SERINC1: variants seen among roughly 807,000 people sequenced by gnomAD.
SERINC1 encodes the protein tumor differentially expressed protein 2.
A neutral mutation model predicts 52.9 loss-of-function variants in SERINC1; 38 were observed. The ratio of observed to expected loss-of-function variants is 0.72; its 90% CI spans 0.55 to 0.94. The LOEUF (loss-of-function observed/expected upper bound fraction) is 0.94, where lower values mean the gene tolerates loss of function less well. Among genes scored for constraint, SERINC1 ranks in the 40% least tolerant of loss-of-function variants. The pLI is 0.00. For missense variants in SERINC1, 471 were observed against 533.9 expected (o/e 0.88, Z 1.16); for synonymous variants, 198 against 183.1 (o/e 1.08, Z -0.66).
intron 1 of SERINC1, among the ~76,000 whole-genome samples, chr6:122,468,002 A>G (rs1365281237): frequency 6.6e-6 from 1 of 152,168 alleles, no homozygotes. Context: ...CAAAAGAAAT[A>G]CTGTCTCCAA....
chr6:122,451,005 G>A (rs1774893245), intron 7 of SERINC1, among the ~76,000 whole-genome samples: 1 of 152,182 alleles, frequency 6.6e-6, no homozygotes, highest in Non-Finnish European at 1.5e-5. Flanking sequence ...ACCAGGAGCA[G>A]GTTTAAGAGG....
intron 9 of SERINC1, among the ~76,000 whole-genome samples, chr6:122,445,589 T>G (rs1056681992): frequency 1.8e-5 from 2 of 109,316 alleles, no homozygotes; most frequent in Non-Finnish European, 3.4e-5. Context: ...CTTCTCAGAA[T>G]TAAGAGACTG....
At chr6:122,445,322 CCTTT>C (rs1289418847) in intron 9 of SERINC1, 143 bp from the exon 10 acceptor site, 9 of 769,016 alleles carry the variant, frequency 1.2e-5, no homozygotes, top group East Asian at 2.7e-5. Flanking sequence ...TAATCTGCTC[CCTTT>C]CTTTCCACAC....
At chr6:122,456,420 C>A in intron 3 of SERINC1, 61 bp downstream of exon 3, 1 of 1,036,586 alleles carries the variant, frequency 9.6e-7, no homozygotes, top group African/African-American at 1.6e-5. Context: ...CTTGGATAAA[C>A]TGGCAATTAT....
chr6:122,457,746 C>T (rs1331421124), intron 2 of SERINC1, among the ~76,000 whole-genome samples: 1 of 151,920 alleles, frequency 6.6e-6, no homozygotes, highest in East Asian at 1.9e-4. Flanking sequence ...TTTTTGTTGT[C>T]TTAAGCCACC....
chr6:122,462,714 T>C (rs777972241), intron 1 of SERINC1, among the ~76,000 whole-genome samples: 103 of 152,254 alleles, frequency 6.8e-4, no homozygotes, highest in Non-Finnish European at 8.5e-4. Context: ...ATATACACAA[T>C]CATGTTTCTA....
Position 122,458,593 on chromosome 6 carries a change from G to T in SERINC1, c.128C>A (p.Ala43Glu). 2 of 1,612,902 alleles carry T rather than the reference G, an allele frequency of 1.2e-6. No individual in the cohort carries two copies. Among genetic ancestry groups the T allele is most frequent in the Non-Finnish European group, 1.7e-6 (2 of 1,178,990 alleles). The change falls in exon 2 of 10, where the codon GCA becomes GAA. Residue 43 changes from alanine (A) to glutamate (E), a missense_variant. Coordinates refer to ENST00000339697, the MANE Select transcript of SERINC1 (RefSeq NM_020755.4). Reference protein sequence around the residue: ...NNSTVTRLIYALFLLVGVCVA... With the variant: ...NNSTVTRLIYELFLLVGVCVA... ...ACATACTCCAACAAGCAAGAAAAGTGCATAGATCAATCTAGTTACAGTGGA... is the reference window on the plus strand; with the variant it reads ...ACATACTCCAACAAGCAAGAAAAGTTCATAGATCAATCTAGTTACAGTGGA...
At chr6:122,465,839 T>G (rs1775180802) in intron 1 of SERINC1, among the ~76,000 whole-genome samples, 1 of 152,120 alleles carries the variant, frequency 6.6e-6, no homozygotes, top group African/African-American at 2.4e-5. Context: ...ACAGAGTATA[T>G]TAATAAACTA....
chr6:122,451,211 T>C lies in SERINC1; in HGVS notation c.850+453A>G, dbSNP rs142425533. ...CCTGTTCGGTCAGCAGCCGTCAACATTGAGGCAAGACCTCCTACCAGCAAA... is the reference window on the plus strand; with the variant it reads ...CCTGTTCGGTCAGCAGCCGTCAACACTGAGGCAAGACCTCCTACCAGCAAA... On this transcript the variant is annotated intron_variant, in intron 7 of 9. Transcript: ENST00000339697. 5.1e-3 allele frequency among the ~76,000 whole-genome samples: 772 copies of C among 152,312 alleles called. 5 individuals carry two copies. The highest frequency in any genetic ancestry group is 0.01 in the Middle Eastern group (3 of 294).
intron 7 of SERINC1, among the ~76,000 whole-genome samples, chr6:122,449,492 C>G (rs1449911961): frequency 6.6e-6 from 1 of 152,216 alleles, no homozygotes; most frequent in Non-Finnish European, 1.5e-5. Context: ...AGAGCATTCC[C>G]TTAAGCCAAA....
intron 2 of SERINC1, among the ~76,000 whole-genome samples, chr6:122,457,051 C>T (rs192973326): frequency 6.6e-6 from 1 of 152,256 alleles, no homozygotes; most frequent in African/African-American, 2.4e-5. Context: ...TTTCCTCCCA[C>T]TCTTTCCAGT....
chr6:122,456,570 G>A lies in SERINC1; in HGVS notation c.282C>T (p.Cys94=), dbSNP rs1449322939. 6.2e-7 allele frequency: 1 copy of A among 1,612,352 alleles called. No homozygotes were observed. Among genetic ancestry groups the A allele is most frequent in the Non-Finnish European group, 8.5e-7 (1 of 1,178,986 alleles). ...LVGYKAVYRL[C]FGLAMFYLLL... The stretch of plus-strand genomic sequence containing the variant: ...GAAGATAGAACATAGCCAAACCAAA[G>A]CACAAACGATATACAGCTTTATAGC... Residue 94 remains cysteine, a synonymous_variant, in exon 3 of 10, where the codon TGC becomes TGT. Transcript: ENST00000339697.
chr6:122,454,684 C>T (rs1486141633), intron 3 of SERINC1: 1 of 154,666 alleles, frequency 6.5e-6, no homozygotes, highest in Non-Finnish European at 1.4e-5. Flanking sequence ...CCCAAAACAA[C>T]ATTGTGGTCC....
intron 1 of SERINC1, among the ~76,000 whole-genome samples, chr6:122,469,545 G>GT (rs1002724954): frequency 1.3e-5 from 2 of 149,572 alleles, no homozygotes; most frequent in East Asian, 4.0e-4. Context: ...GCTGATTTTT[G>GT]TTTTTTTGTT....
intron 2 of SERINC1, among the ~76,000 whole-genome samples, 182 bp downstream of exon 2, chr6:122,458,338 C>T (rs2114484117): frequency 6.6e-6 from 1 of 152,188 alleles, no homozygotes; most frequent in East Asian, 1.9e-4. Flanking sequence ...CCTGTACCAC[C>T]ATCATAGAAC....
intron 1 of SERINC1, among the ~76,000 whole-genome samples, chr6:122,462,718 G>A (rs1261337263): frequency 6.6e-6 from 1 of 152,180 alleles, no homozygotes; most frequent in Admixed American, 6.5e-5. Flanking sequence ...ACACAATCAT[G>A]TTTCTACGTA....
At position 122,443,903 on chromosome 6, in the gene SERINC1, A is replaced by T. The variant is rs947672521; in HGVS notation, c.*1141T>A. 9.2e-5 allele frequency: 14 copies of T among 152,126 alleles called. No individual in the cohort carries two copies. The highest frequency in any genetic ancestry group is 2.7e-4 in the African/African-American group (11 of 41,416). The allele number at this position is 152,126 out of a possible 1,614,324, so 9.4% of individuals were successfully genotyped here. A position where few individuals can be genotyped will look rare whatever the true frequency, so the allele number is the denominator to read the frequency against. ...GTATTTCAGTGTCTTCATTTTTTTA[A>T]ATGAGAGAACTGGACTAGATTTTAT... On this transcript the variant is annotated 3_prime_UTR_variant, in exon 10 of 10. Coordinates refer to ENST00000339697, the MANE Select transcript of SERINC1 (RefSeq NM_020755.4).
chr6:122,445,034 G>T lies in SERINC1; in HGVS notation c.*10C>A, dbSNP rs1215520458. 6.2e-7 allele frequency: 1 copy of T among 1,608,638 alleles called. No individual in the cohort carries two copies. The highest frequency in any genetic ancestry group is 2.2e-5 in the East Asian group (1 of 44,762). Reference sequence around the variant, plus strand: ...TAATCAAAGTGGGACTTTCATGCTAGAAGTCTCACTCAGTCAAAATCACGA... The same window carrying T: ...TAATCAAAGTGGGACTTTCATGCTATAAGTCTCACTCAGTCAAAATCACGA... On this transcript the variant is annotated 3_prime_UTR_variant, in exon 10 of 10. Transcript: ENST00000339697.
At chr6:122,462,526 G>T (rs1775122650) in intron 1 of SERINC1, among the ~76,000 whole-genome samples, 1 of 152,116 alleles carries the variant, frequency 6.6e-6, no homozygotes, top group Non-Finnish European at 1.5e-5. Flanking sequence ...GGAAGCTGAG[G>T]CAGGAGGACC....
Sources: gnomAD v4.1 joint callset for allele counts (sites outside exome capture counted in the v4.1 genomes callset) on GRCh38, gnomAD v4.1.1 for gene constraint, MANE v1.5 for transcripts, NCBI Gene and HGNC (gene_info 2026-07-23, HGNC 2026-07-21) for gene names.